Variants in PSPH observed in about 807,000 individuals in gnomAD.
The protein encoded by PSPH is phosphoserine phosphatase.
Under a neutral mutation model 23.4 loss-of-function variants are expected in PSPH, and 16 were observed. The ratio of observed to expected loss-of-function variants is 0.68; its 90% confidence interval spans 0.46 to 1.04. PSPH has a LOEUF of 1.04. PSPH is among the 50% of genes least tolerant of loss of function. PSPH has a pLI of 0.00. For missense variants in PSPH, 223 were observed against 273.7 expected (o/e 0.81, Z 1.31); for synonymous variants, 68 against 99.7 (o/e 0.68, Z 1.89).
intron 3 of PSPH, among the ~76,000 whole-genome samples, chr7:56,025,405 A>C (rs1036494755): frequency 5.3e-5 from 8 of 151,604 alleles, no homozygotes; most frequent in Non-Finnish European, 1.2e-4. Flanking sequence ...GACTACAGGC[A>C]GGCATGATAT....
intron 7 of PSPH, 82 bp from the exon 8 acceptor site, chr7:56,011,951 G>T: frequency 8.8e-7 from 1 of 1,141,690 alleles, no homozygotes; most frequent in South Asian, 1.3e-5. Flanking sequence ...TGTCACCCAG[G>T]CTGGAGTGCA....
At chr7:56,042,138 G>T (rs902278284) in intron 1 of PSPH, among the ~76,000 whole-genome samples, 1 of 149,628 alleles carries the variant, frequency 6.7e-6, no homozygotes. Context: ...CAGGAGAATC[G>T]CTTGAATCCG....
chr7:56,024,178 G>A (rs1163094213), intron 3 of PSPH, among the ~76,000 whole-genome samples: 6 of 151,692 alleles, frequency 4.0e-5, no homozygotes, highest in Non-Finnish European at 5.9e-5. Flanking sequence ...GCCTCTCAAA[G>A]TGCTGGGATT....
chr7:56,015,321 G>A, intron 6 of PSPH, 150 bp from the exon 7 acceptor site: 1 of 777,868 alleles, frequency 1.3e-6, no homozygotes, highest in Non-Finnish European at 2.2e-6. Context: ...CTCCACACCT[G>A]TTCCTGGGAA....
In PSPH at chr7:56,028,069, C is replaced by T. The variant is rs1053685217; in HGVS notation, c.-20+3860G>A. On this transcript the variant is annotated intron_variant, in intron 3 of 7. Coordinates refer to ENST00000275605, the MANE Select transcript of PSPH (RefSeq NM_004577.4). The stretch of plus-strand genomic sequence containing the variant: ...GCCTCAAAAAAAAAAAAAAGCAAGA[C>T]CATCAGCCTTGAGTTTGAAAGGAAA... Among the ~76,000 whole-genome samples the T allele has an allele frequency of 7.9e-5, 12 of 150,980 alleles. No individual in the cohort carries two copies. In the South Asian group the frequency reaches 8.4e-4, roughly 11 times the overall value.
At chr7:56,018,565 C>T (rs909204726) in intron 5 of PSPH, among the ~76,000 whole-genome samples, 10 of 152,114 alleles carry the variant, frequency 6.6e-5, no homozygotes, top group Middle Eastern at 3.2e-3. Context: ...ACACAGGCCA[C>T]GCCTTTAAAT....
intron 3 of PSPH, among the ~76,000 whole-genome samples, chr7:56,027,555 C>T (rs916221051): frequency 6.6e-6 from 1 of 150,562 alleles, no homozygotes; most frequent in Non-Finnish European, 1.5e-5. Context: ...AAAAATTAGT[C>T]AGGTGCCTGT....
intron 3 of PSPH, among the ~76,000 whole-genome samples, chr7:56,030,203 G>C (rs1299051079): frequency 6.6e-6 from 1 of 151,994 alleles, no homozygotes; most frequent in Non-Finnish European, 1.5e-5. Flanking sequence ...TCTGCTTCCT[G>C]GGTTCAAGTG....
At chr7:56,014,358 T>A (rs1431273535) in intron 7 of PSPH, among the ~76,000 whole-genome samples, 1 of 152,084 alleles carries the variant, frequency 6.6e-6, no homozygotes, top group African/African-American at 2.4e-5. Context: ...TTTTAAAAGG[T>A]TTTTAGTTCC....
At chr7:56,021,331 G>T in intron 3 of PSPH, 100 bp from the exon 4 acceptor site, 1 of 1,186,692 alleles carries the variant, frequency 8.4e-7, no homozygotes, top group Non-Finnish European at 1.2e-6. Flanking sequence ...CAAAGTCAGT[G>T]CAGGCCACAT....
intron 1 of PSPH, among the ~76,000 whole-genome samples, chr7:56,039,148 CAAAAAAA>C (rs34620559): frequency 1.8e-5 from 1 of 56,630 alleles, no homozygotes; most frequent in Non-Finnish European, 3.6e-5. Context: ...AACTCTGTCT[CAAAAAAA>C]AAAAAAAAAA....
intron 7 of PSPH, among the ~76,000 whole-genome samples, chr7:56,013,517 C>CG (rs1368214378): frequency 2.9e-5 from 2 of 68,344 alleles, no homozygotes; most frequent in African/African-American, 4.3e-5. Context: ...GAACCTGTCT[C>CG]AAAAAATAAA....
intron 3 of PSPH, among the ~76,000 whole-genome samples, chr7:56,026,993 G>A (rs1199168779): frequency 6.6e-6 from 1 of 151,442 alleles, no homozygotes; most frequent in Non-Finnish European, 1.5e-5. Context: ...ATCACCTGAG[G>A]TTGGGAGTTC....
intron 1 of PSPH, among the ~76,000 whole-genome samples, chr7:56,036,422 C>A (rs1161414524): frequency 5.3e-5 from 8 of 152,122 alleles, no homozygotes; most frequent in Middle Eastern, 3.4e-3. Context: ...ATTAAGTATT[C>A]TTTAAAATAT....
chr7:56,030,101 A>G (rs760735700), intron 3 of PSPH, among the ~76,000 whole-genome samples: 1 of 151,862 alleles, frequency 6.6e-6, no homozygotes, highest in Non-Finnish European at 1.5e-5. Flanking sequence ...ATGCACTTAC[A>G]CTATATTTTA....
rs1417596334 is a variant in PSPH at position 56,040,428 on chromosome 7, T to G, written c.-291-6322A>C. The stretch of plus-strand genomic sequence containing the variant: ...TTTTTTGGGACAGGGTCTGGCTCTG[T>G]CTCTGTCCAGGCTGGAGTTCCGTGG... On this transcript the variant is annotated intron_variant, in intron 1 of 7. Transcript: ENST00000275605. Among the ~76,000 whole-genome samples, 4 of 152,114 alleles carry G rather than the reference T, an allele frequency of 2.6e-5. No homozygotes were observed. The East Asian group carries it at 7.7e-4, about 29-fold the overall frequency.
intron 1 of PSPH, among the ~76,000 whole-genome samples, chr7:56,037,173 CAA>C (rs35759842): frequency 3.0e-4 from 25 of 83,194 alleles, no homozygotes; most frequent in Non-Finnish European, 3.1e-4. Flanking sequence ...GACTCTGTCT[CAA>C]AAAAAAAAAA....
chr7:56,041,949 G>A (rs997041568), intron 1 of PSPH, among the ~76,000 whole-genome samples: 3 of 150,218 alleles, frequency 2.0e-5, no homozygotes, highest in East Asian at 4.0e-4. Context: ...TGGACCGGGC[G>A]CAGTGGCTCA....
chr7:56,021,147 G>A lies in PSPH; in HGVS notation c.66C>T (p.Asp22=), dbSNP rs1305241212. The A allele has an allele frequency of 6.2e-7, 1 of 1,614,228 alleles. No individual in the cohort carries two copies. The change falls in exon 4 of 8, where the codon GAC becomes GAT. Residue 22 remains aspartate (D), a synonymous_variant. Transcript: ENST00000275605. ...YSADAVCFDV[D]STVIREEGID... is the part of the protein sequence containing the mutation. ...TTCCTTCTTCTCTGATGACCGTGCT[G>A]TCAACATCAAAACACACAGCATCTG...
Sources: gnomAD v4.1 joint callset for allele counts (sites outside exome capture counted in the v4.1 genomes callset) on GRCh38, gnomAD v4.1.1 for gene constraint, MANE v1.5 for transcripts, NCBI Gene and HGNC (gene_info 2026-07-23, HGNC 2026-07-21) for gene names.